SLC24A2: variants seen among roughly 807,000 people sequenced by gnomAD.
The protein encoded by SLC24A2 is sodium/potassium/calcium exchanger 2.
A neutral mutation model predicts 62.0 loss-of-function variants in SLC24A2; 36 were observed. That is an observed-to-expected ratio of 0.58 (90% CI 0.44 to 0.77). The LOEUF (loss-of-function observed/expected upper bound fraction) is 0.77. Ranked by LOEUF, SLC24A2 falls within the 30% of genes least tolerant of loss-of-function variation. SLC24A2 has a pLI of 0.00. For missense variants in SLC24A2, 846 were observed against 817.9 expected, an observed-to-expected ratio of 1.03 and a Z score of -0.42; for synonymous variants, 358 against 294.0, an observed-to-expected ratio of 1.22 and a Z score of -2.23.
chr9:20,101,397 C>T, the SLC24A2 span, among the ~76,000 whole-genome samples: 4 of 152,230 alleles, frequency 2.6e-5, no homozygotes, highest in Non-Finnish European at 5.9e-5. Flanking sequence ...AGTGCTGGTA[C>T]TTTCTATATA....
At chr9:19,758,669 C>A (rs79105840) in intron 2 of SLC24A2, among the ~76,000 whole-genome samples, 1 of 151,976 alleles carries the variant, frequency 6.6e-6, no homozygotes. Flanking sequence ...GGTTTTTGAA[C>A]GGGATTGGCT....
At chr9:20,049,023 C>A in the SLC24A2 span, among the ~76,000 whole-genome samples, 1 of 151,982 alleles carries the variant, frequency 6.6e-6, no homozygotes, top group African/African-American at 2.4e-5. Context: ...TGTTGGTGTG[C>A]TGCACCCATC....
At chr9:19,823,482 A>G in the SLC24A2 span, among the ~76,000 whole-genome samples, 1 of 152,142 alleles carries the variant, frequency 6.6e-6, no homozygotes, top group South Asian at 2.1e-4. Flanking sequence ...ATTAACATCA[A>G]GCTGGGCATG....
At chr9:19,853,778 T>A in the SLC24A2 span, among the ~76,000 whole-genome samples, 1 of 151,750 alleles carries the variant, frequency 6.6e-6, no homozygotes, top group African/African-American at 2.4e-5. Context: ...TTCTTTGTTG[T>A]ACCTCTGCCA....
At chr9:19,682,687 T>C (rs958843960) in intron 2 of SLC24A2, among the ~76,000 whole-genome samples, 2 of 152,178 alleles carry the variant, frequency 1.3e-5, no homozygotes, top group Non-Finnish European at 2.9e-5. Flanking sequence ...ACAAACGTAC[T>C]GTAAGAAATA....
the SLC24A2 span, among the ~76,000 whole-genome samples, chr9:20,295,180 T>TCCTAATATCTAAAATC: frequency 1.3e-5 from 2 of 152,072 alleles, no homozygotes; most frequent in East Asian, 3.9e-4. Flanking sequence ...AGTCTAAAAT[T>TCCTAATATCTAAAATC]CCTAACATCT....
chr9:20,283,973 G>A, the SLC24A2 span, among the ~76,000 whole-genome samples: 3 of 152,060 alleles, frequency 2.0e-5, no homozygotes, highest in Non-Finnish European at 4.4e-5. Context: ...CTTAACATGC[G>A]TGCCCAAAAA....
chr9:20,035,126 C>CT, the SLC24A2 span, among the ~76,000 whole-genome samples: 1 of 152,032 alleles, frequency 6.6e-6, no homozygotes, highest in Admixed American at 6.5e-5. Flanking sequence ...AAGACTAGGG[C>CT]TGAGTCCTAG....
chr9:19,783,550 C>A (rs1477741450), intron 2 of SLC24A2, among the ~76,000 whole-genome samples: 1 of 152,134 alleles, frequency 6.6e-6, no homozygotes, highest in Non-Finnish European at 1.5e-5. Context: ...GGATTCATCC[C>A]CATTTCAGGA....
the SLC24A2 span, among the ~76,000 whole-genome samples, chr9:19,832,651 T>C: frequency 2.0e-5 from 3 of 152,120 alleles, no homozygotes; most frequent in South Asian, 6.2e-4. Context: ...GAAGAAAACC[T>C]AGGCAATACC....
the SLC24A2 span, among the ~76,000 whole-genome samples, chr9:20,040,019 C>A: frequency 6.6e-6 from 1 of 152,264 alleles, no homozygotes; most frequent in Admixed American, 6.5e-5. Flanking sequence ...TAAACACTAA[C>A]TTTTGATTAT....
chr9:19,709,888 C>G (rs1820663026), intron 2 of SLC24A2, among the ~76,000 whole-genome samples: 1 of 151,642 alleles, frequency 6.6e-6, no homozygotes, highest in South Asian at 2.1e-4. Flanking sequence ...TACCCTAAAG[C>G]TTAAAGTATA....
At chr9:19,923,932 G>C in the SLC24A2 span, among the ~76,000 whole-genome samples, 1 of 152,132 alleles carries the variant, frequency 6.6e-6, no homozygotes, top group Non-Finnish European at 1.5e-5. Flanking sequence ...ATTTTTAGTA[G>C]AGACAGGGTT....
intron 2 of SLC24A2, among the ~76,000 whole-genome samples, chr9:19,708,020 C>G (rs1257168117): frequency 1.3e-5 from 2 of 152,194 alleles, no homozygotes; most frequent in Non-Finnish European, 2.9e-5. Context: ...TGTCTCAGCC[C>G]TAAATCTCCT....
At chr9:20,293,270 C>T in the SLC24A2 span, among the ~76,000 whole-genome samples, 2 of 152,208 alleles carry the variant, frequency 1.3e-5, no homozygotes, top group Non-Finnish European at 2.9e-5. Flanking sequence ...CAACTCAACA[C>T]CTAACACTCC....
At chr9:19,834,200 G>A in the SLC24A2 span, among the ~76,000 whole-genome samples, 2 of 152,132 alleles carry the variant, frequency 1.3e-5, no homozygotes, top group Non-Finnish European at 2.9e-5. Context: ...CAGCTCCTCA[G>A]TGCAATGGAA....
At chr9:20,307,685 G>A in the SLC24A2 span, among the ~76,000 whole-genome samples, 4 of 152,226 alleles carry the variant, frequency 2.6e-5, no homozygotes, top group South Asian at 2.1e-4. Context: ...TAGTTGGCTC[G>A]GCCCCTTTGT....
At chr9:19,913,591 A>G in the SLC24A2 span, among the ~76,000 whole-genome samples, 1 of 152,148 alleles carries the variant, frequency 6.6e-6, no homozygotes, top group Non-Finnish European at 1.5e-5. Context: ...AGAAAGATAG[A>G]GATGGAGTAG....
intron 7 of SLC24A2, among the ~76,000 whole-genome samples, chr9:19,551,602 T>TAAATAACTTTAG (rs756344303): frequency 5.3e-5 from 8 of 152,160 alleles, no homozygotes; most frequent in Non-Finnish European, 1.0e-4. Flanking sequence ...TGAGACCATA[T>TAAATAACTTTAG]AAATAACTTT....
Sources: allele counts gnomAD v4.1 joint callset (sites outside exome capture counted in the v4.1 genomes callset), GRCh38; gene constraint gnomAD v4.1.1; transcripts MANE v1.5; gene names NCBI Gene and HGNC (gene_info 2026-07-23, HGNC 2026-07-21).